Variants in SYTL2 observed in about 807,000 individuals in gnomAD.
SYTL2 encodes the protein synaptotagmin-like protein 2.
Under a neutral mutation model 198.7 loss-of-function variants are expected in SYTL2, and 165 were observed. That is an observed-to-expected ratio of 0.83 (90% confidence interval 0.73 to 0.94). The LOEUF (loss-of-function observed/expected upper bound fraction) is 0.94. Among genes scored for constraint, SYTL2 ranks in the 40% least tolerant of loss-of-function variants. The pLI is 0.00. For synonymous variants in SYTL2, 966 were observed against 917.7 expected (o/e 1.05, Z -0.95); for missense variants, 2,835 against 2,582.8 (o/e 1.10, Z -2.12).
Position 85,725,574 on chromosome 11 carries a change from C to A in SYTL2, c.3784G>T (p.Asp1262Tyr). 1 of 1,614,082 alleles carries A rather than the reference C, an allele frequency of 6.2e-7. No homozygotes were observed. Among genetic ancestry groups the A allele is most frequent in the Non-Finnish European group, 8.5e-7 (1 of 1,179,960 alleles). Residue 1262 changes from aspartate (D) to tyrosine (Y), a missense_variant, in exon 8 of 20, where the codon GAT becomes TAT. Transcript: ENST00000359152. Reference protein sequence around the residue: ...GIEQSHNTSADKREILAPFPV... With the variant: ...GIEQSHNTSAYKREILAPFPV... Reference sequence around the variant, plus strand: ...AAAGGAGCTAGTATTTCTCTCTTATCAGCTGAAGTATTGTGACTCTGTTCT... The same window carrying A: ...AAAGGAGCTAGTATTTCTCTCTTATAAGCTGAAGTATTGTGACTCTGTTCT...
intron 1 of SYTL2, among the ~76,000 whole-genome samples, chr11:85,787,365 C>T (rs900556874): frequency 6.6e-6 from 1 of 152,184 alleles, no homozygotes; most frequent in Non-Finnish European, 1.5e-5. Context: ...GGAACTAGTG[C>T]TCACCTCATA....
chr11:85,698,791 A>G (rs1025492454), intron 17 of SYTL2, among the ~76,000 whole-genome samples: 2 of 152,228 alleles, frequency 1.3e-5, no homozygotes, highest in Admixed American at 6.5e-5. Flanking sequence ...CACCAGCCTC[A>G]GCCTCCTAAA....
In SYTL2 at chr11:85,707,424, G is replaced by C; in HGVS notation, c.6018+5C>G. On this transcript the variant is annotated splice_donor_5th_base_variant and intron_variant, in intron 15 of 19. Coordinates refer to ENST00000359152, the MANE Select transcript of SYTL2 (RefSeq NM_206927.4). ...GATTTTCCTATAGAGAGAGTTCATA[G>C]ATACCCGCAGTATTTCGTTATACAC... 1 of 1,600,902 alleles carries C rather than the reference G, an allele frequency of 6.2e-7. No individual in the cohort carries two copies. The highest frequency in any genetic ancestry group is 8.6e-7 in the Non-Finnish European group (1 of 1,168,334).
the SYTL2 span, among the ~76,000 whole-genome samples, chr11:85,840,413 T>G: frequency 3.1e-4 from 47 of 152,298 alleles, no homozygotes; most frequent in African/African-American, 1.1e-3. Context: ...AGTAGTTTCA[T>G]AGTTTGAGGG....
chr11:85,782,442 C>T (rs948473080), intron 1 of SYTL2, among the ~76,000 whole-genome samples: 1 of 152,182 alleles, frequency 6.6e-6, no homozygotes, highest in Non-Finnish European at 1.5e-5. Flanking sequence ...GCCCTGGAGA[C>T]ATTTTCCCCA....
chr11:85,769,975 C>G (rs955692974), intron 1 of SYTL2, among the ~76,000 whole-genome samples: 2 of 152,170 alleles, frequency 1.3e-5, no homozygotes, highest in Non-Finnish European at 2.9e-5. Flanking sequence ...TAACCCAAAA[C>G]AAAGGGCCTC....
intron 1 of SYTL2, among the ~76,000 whole-genome samples, chr11:85,768,149 C>T (rs1344125240): frequency 6.6e-6 from 1 of 152,212 alleles, no homozygotes. Flanking sequence ...CTGCTCAATT[C>T]CATCTGGTCA....
At chr11:85,765,244 C>G (rs1157263976) in intron 1 of SYTL2, among the ~76,000 whole-genome samples, 1 of 152,138 alleles carries the variant, frequency 6.6e-6, no homozygotes, top group Admixed American at 6.5e-5. Context: ...CAATAGGTTG[C>G]CTTTTTTTTT....
intron 1 of SYTL2, among the ~76,000 whole-genome samples, chr11:85,807,264 A>C (rs143699119): frequency 3.9e-5 from 6 of 152,240 alleles, no homozygotes; most frequent in Non-Finnish European, 8.8e-5. Flanking sequence ...CACCAAGGAA[A>C]CCTACATTCT....
At position 85,753,313 on chromosome 11, in the gene SYTL2, C is replaced by A. The variant is rs117829597; in HGVS notation, c.101+4312G>T. Among the ~76,000 whole-genome samples, 815 of 152,254 alleles carry A rather than the reference C, an allele frequency of 5.4e-3. 3 individuals are homozygous for A. Among genetic ancestry groups the A allele is most frequent in the Non-Finnish European group, 6.8e-3 (463 of 68,018 alleles). On this transcript the variant is annotated intron_variant, in intron 2 of 19. Transcript: ENST00000359152. ...CCCTGATGTCTCCTTCACTGCTGGT[C>A]TGTGAAATGTCTCCACATGGGAGTT...
intron 4 of SYTL2, among the ~76,000 whole-genome samples, chr11:85,744,200 T>C (rs1431315798): frequency 6.6e-6 from 1 of 152,164 alleles, no homozygotes; most frequent in African/African-American, 2.4e-5. Context: ...TTCCATTTCT[T>C]GAGCACTTAC....
intron 1 of SYTL2, among the ~76,000 whole-genome samples, chr11:85,769,842 C>T (rs1446419046): frequency 6.6e-6 from 1 of 152,200 alleles, no homozygotes; most frequent in East Asian, 1.9e-4. Context: ...GACAGAATAA[C>T]CGCACAGGCC....
chr11:85,820,739 T>C, the SYTL2 span, among the ~76,000 whole-genome samples: 1 of 152,212 alleles, frequency 6.6e-6, no homozygotes. Flanking sequence ...TCCTCAGCAC[T>C]GGGAAACATA....
intron 1 of SYTL2, among the ~76,000 whole-genome samples, chr11:85,776,526 T>C (rs1029860596): frequency 2.6e-5 from 4 of 152,232 alleles, no homozygotes; most frequent in African/African-American, 9.6e-5. Context: ...TGTGATAGTT[T>C]GCTGAGAATG....
intron 4 of SYTL2, among the ~76,000 whole-genome samples, chr11:85,741,813 G>C (rs1396561255): frequency 1.3e-5 from 2 of 152,188 alleles, no homozygotes; most frequent in Non-Finnish European, 2.9e-5. Context: ...GGCTTTAATT[G>C]ATTGGTTCCT....
At chr11:85,792,892 T>C (rs2092751438) in intron 1 of SYTL2, among the ~76,000 whole-genome samples, 1 of 151,812 alleles carries the variant, frequency 6.6e-6, no homozygotes, top group African/African-American at 2.4e-5. Context: ...GGGTTTTTGT[T>C]CTTGCGATAG....
At chr11:85,802,178 A>G (rs2092899031) in intron 1 of SYTL2, among the ~76,000 whole-genome samples, 1 of 142,360 alleles carries the variant, frequency 7.0e-6, no homozygotes. Flanking sequence ...ACATCCTTCA[A>G]CGTTTCCTCC....
intron 1 of SYTL2, among the ~76,000 whole-genome samples, chr11:85,810,633 A>ACCCAGCC (rs201261757): frequency 0.021 from 3,206 of 152,106 alleles, 60 homozygotes; most frequent in Admixed American, 0.039. Flanking sequence ...TCTCCCCAGC[A>ACCCAGCC]CCCAGCCCCA....
chr11:85,774,061 G>A (rs977232910), intron 1 of SYTL2, among the ~76,000 whole-genome samples: 9 of 152,028 alleles, frequency 5.9e-5, no homozygotes, highest in African/African-American at 1.9e-4. Context: ...ATGAAAGCCA[G>A]CAAGAAAGAA....
Sources: gnomAD v4.1 joint callset for allele counts (sites outside exome capture counted in the v4.1 genomes callset) on GRCh38, gnomAD v4.1.1 for gene constraint, MANE v1.5 for transcripts, NCBI Gene and HGNC (gene_info 2026-07-23, HGNC 2026-07-21) for gene names.